Variants in FARP1 observed in about 807,000 individuals in gnomAD.
FARP1 encodes the protein FERM, ARHGEF and pleckstrin domain-containing protein 1.
In FARP1, 52 loss-of-function variants were observed where a neutral mutation model predicts 128.8. The observed-to-expected ratio is 0.40, with a 90% CI of 0.32 to 0.51. FARP1 has a LOEUF of 0.51. Ranked by LOEUF, FARP1 falls within the 20% of genes least tolerant of loss-of-function variation. The pLI, the probability that FARP1 is intolerant of heterozygous loss-of-function variation, is 0.45. For synonymous variants in FARP1, 580 were observed against 551.8 expected, an observed-to-expected ratio of 1.05 and a Z score of -0.72; for missense variants, 1,333 against 1,367.9, an observed-to-expected ratio of 0.97 and a Z score of 0.40.
intron 5 of FARP1, among the ~76,000 whole-genome samples, chr13:98,368,565 C>T (rs1436008376): frequency 3.9e-5 from 6 of 152,184 alleles, no homozygotes; most frequent in African/African-American, 1.2e-4. Context: ...GTAGATTTGG[C>T]AGGAACTGGA....
rs1403673991 is a variant in FARP1 at position 98,232,149 on chromosome 13, T to G, written c.171+18736T>G. ...CCGGCTTTTTTTGTTTGGTTGGTTT[T>G]TTTTTTTTTTTTTTTTTGCTTAACT... On this transcript the variant is annotated intron_variant, in intron 2 of 26. Coordinates refer to ENST00000319562, the MANE Select transcript of FARP1 (RefSeq NM_005766.4). Among the ~76,000 whole-genome samples, 29 of 146,300 alleles carry G rather than the reference T, an allele frequency of 2.0e-4. 2 individuals are homozygous for G. Among genetic ancestry groups the G allele is most frequent in the African/African-American group, 6.9e-4 (27 of 39,238 alleles).
intron 2 of FARP1, among the ~76,000 whole-genome samples, chr13:98,335,793 G>T (rs182445137): frequency 6.6e-6 from 1 of 152,314 alleles, no homozygotes; most frequent in East Asian, 1.9e-4. Flanking sequence ...GATGGGTCGA[G>T]AGTTGGTGGG....
At chr13:98,446,408 T>G in intron 25 of FARP1, 1 of 601,770 alleles carries the variant, frequency 1.7e-6, no homozygotes, top group Non-Finnish European at 2.9e-6. Flanking sequence ...AAGGACAACT[T>G]CTGCCCTAGG....
chr13:98,372,081 CTTTTT>C (rs56838920), intron 5 of FARP1, among the ~76,000 whole-genome samples: 8 of 92,348 alleles, frequency 8.7e-5, no homozygotes, highest in Admixed American at 1.4e-4. Context: ...CCCAGTTTTT[CTTTTT>C]TTTTTTTTTT....
chr13:98,211,828 GGCT>G (rs1254462430), intron 1 of FARP1, among the ~76,000 whole-genome samples: 1 of 152,148 alleles, frequency 6.6e-6, no homozygotes, highest in Non-Finnish European at 1.5e-5. Context: ...TAAATATACT[GGCT>G]GAGTGGTCCA....
chr13:98,377,395 C>T (rs999205350), intron 5 of FARP1, among the ~76,000 whole-genome samples: 4 of 149,104 alleles, frequency 2.7e-5, no homozygotes, highest in East Asian at 3.9e-4. Flanking sequence ...AAAAAAATGA[C>T]GCCCCCTTGT....
Position 98,189,262 on chromosome 13 carries a change from CT to C in FARP1, c.-23-23943del, listed in dbSNP as rs11440978. On this transcript the variant is annotated intron_variant, in intron 1 of 26. Transcript: ENST00000319562. Reference sequence around the variant, plus strand: ...TTAAGGCTGTGGTCAGAAATGAGTACTTTTTTTTTTTTTTTGGTCATCATAA... The same window carrying C: ...TTAAGGCTGTGGTCAGAAATGAGTACTTTTTTTTTTTTTTGGTCATCATAA... 2.9e-3 allele frequency among the ~76,000 whole-genome samples: 415 copies of C among 143,574 alleles called. 1 individual carries two copies. Among genetic ancestry groups the C allele is most frequent in the Middle Eastern group, 0.019 (5 of 268 alleles). The allele number at this position is 143,574 out of a possible 152,430, so 94.2% of individuals were successfully genotyped here.
intron 2 of FARP1, among the ~76,000 whole-genome samples, chr13:98,314,955 T>C (rs926687908): frequency 2.0e-5 from 3 of 152,064 alleles, no homozygotes; most frequent in Non-Finnish European, 2.9e-5. Flanking sequence ...GTGGAGAAGG[T>C]TGGAAAAACA....
intron 10 of FARP1, 91 bp from the exon 11 acceptor site, chr13:98,390,721 G>T (rs1890273962): frequency 5.3e-6 from 5 of 945,716 alleles, no homozygotes; most frequent in Non-Finnish European, 8.5e-6. Context: ...GTTAGGGAAG[G>T]AGGGGAAGTG....
At chr13:98,217,890 C>A (rs1045058169) in intron 2 of FARP1, among the ~76,000 whole-genome samples, 1 of 152,112 alleles carries the variant, frequency 6.6e-6, no homozygotes, top group Non-Finnish European at 1.5e-5. Flanking sequence ...TTTAACTATA[C>A]GAGAGTTGGT....
rs535509990 is a variant in FARP1, at chr13:98,356,996, A to C, written c.277-8399A>C. 5.9e-5 allele frequency among the ~76,000 whole-genome samples: 9 copies of C among 152,210 alleles called. 1 individual carries two copies. The highest frequency in any genetic ancestry group is 2.2e-4 in the African/African-American group (9 of 41,540). ...TATTCTGACATCTGCATTGCCCAAC[A>C]CTAATATAGCCACTTCAGTTTTTAA... On this transcript the variant is annotated intron_variant, in intron 3 of 26. Transcript: ENST00000319562.
intron 2 of FARP1, among the ~76,000 whole-genome samples, chr13:98,293,991 T>A (rs560229073): frequency 6.6e-6 from 1 of 152,364 alleles, no homozygotes; most frequent in African/African-American, 2.4e-5. Flanking sequence ...GGCTTTACTC[T>A]TTACCAAGTA....
chr13:98,393,568 T>A, intron 11 of FARP1, 75 bp from the exon 12 acceptor site: 1 of 1,201,978 alleles, frequency 8.3e-7, no homozygotes, highest in Non-Finnish European at 1.2e-6. Context: ...AAAAGGACTT[T>A]TGTTTCATTT....
At chr13:98,390,167 C>T (rs1353376228) in intron 10 of FARP1, 47 bp downstream of exon 10, 1 of 1,582,604 alleles carries the variant, frequency 6.3e-7, no homozygotes, top group Non-Finnish European at 8.6e-7. Flanking sequence ...CACGTTTTTC[C>T]TCCCGCCTCT....
chr13:98,413,107 G>A (rs1285219360), intron 16 of FARP1, among the ~76,000 whole-genome samples: 8 of 152,212 alleles, frequency 5.3e-5, no homozygotes, highest in Non-Finnish European at 8.8e-5. Context: ...CTGGGGCAGC[G>A]GGAGTTCTCT....
chr13:98,338,715 T>C (rs1887842161), intron 2 of FARP1: 1 of 152,230 alleles, frequency 6.6e-6, no homozygotes, highest in Non-Finnish European at 1.5e-5. Context: ...TTTGTAATTT[T>C]GAGAAACTGC....
chr13:98,377,709 A>G, intron 5 of FARP1, 112 bp from the exon 6 acceptor site: 1 of 717,688 alleles, frequency 1.4e-6, no homozygotes, highest in Non-Finnish European at 2.5e-6. Context: ...CAGCCCATGC[A>G]GACTTCGTGG....
At chr13:98,171,659 T>G (rs376778616) in intron 1 of FARP1, among the ~76,000 whole-genome samples, 121 of 152,370 alleles carry the variant, frequency 7.9e-4, no homozygotes, top group Middle Eastern at 3.4e-3. Context: ...TTTAAAAATT[T>G]ACTGTAATAG....
At chr13:98,175,565 T>C (rs1877947199) in intron 1 of FARP1, among the ~76,000 whole-genome samples, 1 of 152,096 alleles carries the variant, frequency 6.6e-6, no homozygotes. Context: ...AAATGTACCC[T>C]TAACCATTTT....
Sources: gnomAD v4.1 joint callset for allele counts (sites outside exome capture counted in the v4.1 genomes callset) on GRCh38, gnomAD v4.1.1 for gene constraint, MANE v1.5 for transcripts, NCBI Gene and HGNC (gene_info 2026-07-23, HGNC 2026-07-21) for gene names.